DDX3X: variants seen among roughly 807,000 people sequenced by gnomAD.
DDX3X encodes DEAD-box helicase 3 X-linked, also known as ATP-dependent RNA helicase DDX3X.
DDX3X carries 4 observed loss-of-function variants against 52.7 expected under a neutral mutation model. The observed-to-expected ratio is 0.08, with a 90% CI of 0.04 to 0.17. The LOEUF (loss-of-function observed/expected upper bound fraction) is 0.17, where lower values mean the gene tolerates loss of function less well. DDX3X is among the 10% of genes least tolerant of loss of function. The pLI, the probability that DDX3X is intolerant of heterozygous loss-of-function variation, is 1.00. For synonymous variants in DDX3X, 192 were observed against 178.1 expected (o/e 1.08, Z -0.62); for missense variants, 222 against 548.6 (o/e 0.40, Z 5.95).
At chrX:41,347,570 G>T (rs1021985179) in intron 16 of DDX3X, 70 bp from the exon 17 acceptor site, 1 of 1,120,936 alleles carries the variant, frequency 8.9e-7, no homozygotes. Flanking sequence ...GGCAAATTAC[G>T]TAAGGGAAGG....
chrX:41,356,826 T>G (rs1228659870), intron 5 of DDX3X, among the ~76,000 whole-genome samples: 2 of 110,536 alleles, frequency 1.8e-5, no homozygotes, highest in African/African-American at 6.6e-5. Flanking sequence ...TTGTCAAAAA[T>G]CAGTTGGCTG....
Position 41,349,471 on chromosome X carries a change from GAC to G in DDX3X, c.*1754_*1755del, listed in dbSNP as rs2063964470. 1 of 111,736 alleles carries G rather than the reference GAC, an allele frequency of 8.9e-6. No homozygotes were observed. Among genetic ancestry groups the G allele is most frequent in the African/African-American group, 3.3e-5 (1 of 30,660 alleles). 9.2% of individuals were successfully genotyped at this position (111,736 alleles called of 1,213,427 possible). A position where few individuals can be genotyped will look rare whatever the true frequency, so the allele number is the denominator to read the frequency against. ...GTTGGGAAGAAAACTATTTGCACAC[GAC>G]AGATTTCTAGATACTTTTTGCTGCT... On this transcript the variant is annotated 3_prime_UTR_variant, in exon 17 of 17. Transcript: ENST00000644876.
At position 41,334,200 on chromosome X, in the gene DDX3X, A is replaced by C; in HGVS notation, c.-53A>C. ...TCCCGTGAGAGGGCCTTCGCGGTGG[A>C]ACAAACACTCGCTTAGCAGCGGAAG... On this transcript the variant is annotated 5_prime_UTR_variant, in exon 1 of 17. Transcript: ENST00000644876. The C allele has an allele frequency of 3.4e-6, 4 of 1,164,025 alleles. No individual in the cohort carries two copies. The highest frequency in any genetic ancestry group is 4.7e-6 in the Non-Finnish European group (4 of 858,154).
downstream of DDX3X, among the ~76,000 whole-genome samples, chrX:41,353,297 C>CAAAAAAAAAA (rs61067509): frequency 2.2e-4 from 10 of 45,901 alleles, no homozygotes; most frequent in Non-Finnish European, 2.4e-4. Context: ...ACTAAAAATA[C>CAAAAAAAAAA]AAAAAAAAAA....
At chrX:41,356,742 C>T (rs1388861379) in intron 5 of DDX3X, among the ~76,000 whole-genome samples, 1 of 109,755 alleles carries the variant, frequency 9.1e-6, no homozygotes, top group East Asian at 2.8e-4. Context: ...GGATTACGGG[C>T]GTGAGCCACC....
Position 41,334,812 on chromosome X carries a change from C to T in DDX3X, c.45+515C>T, listed in dbSNP as rs1355805339. 7.9e-6 allele frequency: 7 copies of T among 885,696 alleles called. 1 individual carries two copies. The highest frequency in any genetic ancestry group is 8.0e-5 in the East Asian group (1 of 12,429). The allele number at this position is 885,696 out of a possible 1,213,427, so 73.0% of individuals were successfully genotyped here. ...AATGTGGGAGGGGGCGGCCTTCGCTCGGGGTAATGGCGGCGGCCTCTTTTG... is the reference window on the plus strand; with the variant it reads ...AATGTGGGAGGGGGCGGCCTTCGCTTGGGGTAATGGCGGCGGCCTCTTTTG... On this transcript the variant is annotated intron_variant, in intron 1 of 16. Coordinates refer to ENST00000644876, the MANE Select transcript of DDX3X (RefSeq NM_001356.5).
chrX:41,341,491 C>T lies in DDX3X; in HGVS notation c.159C>T (p.Tyr53=), dbSNP rs370574418. Residue 53 remains tyrosine (Y), a synonymous_variant, in exon 4 of 17, where the codon TAC becomes TAT. Transcript: ENST00000644876. ...GTGCTTTTTTAATCAAAGGTTTCTA[C>T]GATAAAGACAGTTCAGGGTGGAGTT... ...LRNREATKGF[Y]DKDSSGWSSS... 9.5e-5 allele frequency: 114 copies of T among 1,194,856 alleles called. No individual in the cohort carries two copies. Among genetic ancestry groups the T allele is most frequent in the South Asian group, 1.6e-4 (9 of 54,768 alleles).
At chrX:41,336,661 TC>T (rs2063774386) in intron 1 of DDX3X, 1 of 110,905 alleles carries the variant, frequency 9.0e-6, no homozygotes, top group Admixed American at 9.6e-5. Flanking sequence ...TCCCAGCTAC[TC>T]GGGGAGGTGG....
chrX:41,350,786 A>G (rs751408242), downstream of DDX3X: 4 of 111,833 alleles, frequency 3.6e-5, no homozygotes, highest in South Asian at 3.7e-4. Context: ...TAAGACATCT[A>G]TGCTTACTGT....
At chrX:41,334,895 G>A (rs1196879726) in intron 1 of DDX3X, 2 of 415,392 alleles carry the variant, frequency 4.8e-6, no homozygotes, top group South Asian at 4.7e-5. Flanking sequence ...TCGGGCGGGC[G>A]AAGGCCTGGA....
chrX:41,336,854 T>A (rs1204255519), intron 1 of DDX3X: 1 of 114,541 alleles, frequency 8.7e-6, no homozygotes, highest in African/African-American at 3.2e-5. Context: ...TTAAGAGTAC[T>A]ACCCGACTAA....
downstream of DDX3X, among the ~76,000 whole-genome samples, chrX:41,355,201 T>G (rs1429875849): frequency 8.9e-6 from 1 of 111,820 alleles, no homozygotes; most frequent in Non-Finnish European, 1.9e-5. Flanking sequence ...TTGTCTTGTT[T>G]CCGGTTTGTG....
At chrX:41,338,577 C>T (rs1417086633) in intron 2 of DDX3X, 2 of 111,760 alleles carry the variant, frequency 1.8e-5, no homozygotes, top group African/African-American at 6.5e-5. Context: ...AATTAACTCC[C>T]CTTTGCAGCT....
Position 41,334,166 on chromosome X carries a change from C to A in DDX3X, c.-87C>A. The stretch of plus-strand genomic sequence containing the variant: ...CGTGGCCGCGCGGTGCGCTCCAGAG[C>A]CGCAGTTCTCCCGTGAGAGGGCCTT... On this transcript the variant is annotated 5_prime_UTR_variant, in exon 1 of 17. Transcript: ENST00000644876. 2 of 997,387 alleles carry A rather than the reference C, an allele frequency of 2.0e-6. No individual in the cohort carries two copies. Among genetic ancestry groups the A allele is most frequent in the Non-Finnish European group, 2.8e-6 (2 of 716,510 alleles). The allele number at this position is 997,387 out of a possible 1,213,427, so 82.2% of individuals were successfully genotyped here.
intron 10 of DDX3X, 22 bp from the exon 11 acceptor site, chrX:41,345,158 G>T (rs747935246): frequency 1.7e-6 from 2 of 1,198,320 alleles, no homozygotes; most frequent in African/African-American, 1.7e-5. Context: ...ACTCAGGCTT[G>T]TTTTTTTTCA....
rs766544623 is a variant in DDX3X, at chrX:41,349,233, A to G, written c.*1514A>G. ...GGTCATTTGTTATGGTGCTATTTCA[A>G]TTAGTCTAGGTTTAGGCCCTTGTAC... On this transcript the variant is annotated 3_prime_UTR_variant, in exon 17 of 17. Transcript: ENST00000644876. 2.7e-5 allele frequency: 3 copies of G among 112,589 alleles called. No homozygotes were observed. Among genetic ancestry groups the G allele is most frequent in the South Asian group, 3.6e-4 (1 of 2,784 alleles). 9.3% of individuals were successfully genotyped at this position (112,589 alleles called of 1,213,427 possible).
At chrX:41,337,810 G>T in intron 2 of DDX3X, 1 of 142,328 alleles carries the variant, frequency 7.0e-6, no homozygotes, top group Non-Finnish European at 1.4e-5. Flanking sequence ...TCAATGACTA[G>T]CTGGCTCTCT....
downstream of DDX3X, among the ~76,000 whole-genome samples, chrX:41,355,129 C>T (rs1343103361): frequency 1.8e-5 from 2 of 111,301 alleles, no homozygotes; most frequent in Non-Finnish European, 3.8e-5. Flanking sequence ...CCAGTTTGTT[C>T]TTTTTTATTG....
At chrX:41,334,441 A>G (rs2063725492) in intron 1 of DDX3X, 144 bp downstream of exon 1, 1 of 1,118,067 alleles carries the variant, frequency 8.9e-7, no homozygotes, top group African/African-American at 1.8e-5. Flanking sequence ...CCCCGGGGCT[A>G]TAGAGGGATA....
Sources: gnomAD v4.1 joint callset for allele counts (sites outside exome capture counted in the v4.1 genomes callset) on GRCh38, gnomAD v4.1.1 for gene constraint, MANE v1.5 for transcripts, NCBI Gene and HGNC (gene_info 2026-07-23, HGNC 2026-07-21) for gene names.